The following PTPRF variants were observed in gnomAD, a reference collection of about 807,000 sequenced individuals.
PTPRF encodes the protein receptor-type tyrosine-protein phosphatase F.
PTPRF carries 59 observed loss-of-function variants against 201.8 expected under a neutral mutation model. The ratio of observed to expected loss-of-function variants is 0.29; its 90% CI spans 0.24 to 0.36. PTPRF has a LOEUF of 0.36. Among genes scored for constraint, PTPRF ranks in the 10% least tolerant of loss-of-function variants. The pLI is 1.00. For missense variants in PTPRF, 2,132 were observed against 2,690.5 expected, an observed-to-expected ratio of 0.79 and a Z score of 4.59; for synonymous variants, 1,088 against 1,089.7, an observed-to-expected ratio of 1.00 and a Z score of 0.03.
At chr1:43,561,572 C>G (rs1645807855) in intron 5 of PTPRF, among the ~76,000 whole-genome samples, 1 of 152,130 alleles carries the variant, frequency 6.6e-6, no homozygotes, top group Non-Finnish European at 1.5e-5. Context: ...GAACCTGGAA[C>G]CCAAGCCAGC....
At chr1:43,563,122 G>A (rs2153981916) in intron 5 of PTPRF, among the ~76,000 whole-genome samples, 1 of 150,776 alleles carries the variant, frequency 6.6e-6, no homozygotes, top group African/African-American at 2.4e-5. Flanking sequence ...AGGTTGCAGT[G>A]ATATGAGATG....
chr1:43,553,656 G>A lies in PTPRF; in HGVS notation c.237+19G>A, dbSNP rs200230309. 3.1e-6 allele frequency: 5 copies of A among 1,613,706 alleles called. No individual in the cohort carries two copies. The East Asian group carries it at 1.1e-4, about 36-fold the overall frequency. On this transcript the variant is annotated intron_variant, in intron 4 of 33. Transcript: ENST00000359947. The surrounding 1 kb of genome is among the most constrained non-coding windows in gnomAD (Gnocchi z 4.1). Reference sequence around the variant, plus strand: ...CTTCGAGGTGCGTCTGTGGTGGGAAGGGGTCGGCAGGGCTCAGGGTCTGCC... The same window carrying A: ...CTTCGAGGTGCGTCTGTGGTGGGAAAGGGTCGGCAGGGCTCAGGGTCTGCC...
At chr1:43,531,114 C>T in intron 1 of PTPRF, 24 bp downstream of exon 1, 1 of 148,832 alleles carries the variant, frequency 6.7e-6, no homozygotes, top group Non-Finnish European at 1.5e-5. Context: ...CGGCCCCCCA[C>T]CAGCCCCCTC....
At position 43,603,287 on chromosome 1, in the gene PTPRF, CCCA is replaced by C; in HGVS notation, c.2341-126_2341-124del. ...CCAGCAGAGGCCACCATTGTATAGC[CCCA>C]CCTTCCACAACCCCTGGCCTTGTGT... On this transcript the variant is annotated intron_variant, in intron 14 of 33. Transcript: ENST00000359947. The surrounding 1 kb of genome is among the most constrained non-coding windows in gnomAD (Gnocchi z 5.8). 1 of 798,700 alleles carries C rather than the reference CCCA, an allele frequency of 1.3e-6. No individual in the cohort carries two copies. Among genetic ancestry groups the C allele is most frequent in the Non-Finnish European group, 2.1e-6 (1 of 475,122 alleles). The allele number at this position is 798,700 out of a possible 1,614,324, so 49.5% of individuals were successfully genotyped here.
At chr1:43,526,023 A>T (rs1041128850), upstream of PTPRF, among the ~76,000 whole-genome samples, 1 of 151,772 alleles carries the variant, frequency 6.6e-6, no homozygotes, top group Non-Finnish European at 1.5e-5. Flanking sequence ...GATGGGAAAG[A>T]CATGCGCATG....
chr1:43,578,735 G>A (rs1244052603), intron 6 of PTPRF, 75 bp from the exon 7 acceptor site: 4 of 1,109,332 alleles, frequency 3.6e-6, no homozygotes, highest in African/African-American at 3.1e-5. Flanking sequence ...CACAGATGCT[G>A]TCGAGACCTC....
At chr1:43,597,147 CTATG>C (rs950027723) in intron 11 of PTPRF, among the ~76,000 whole-genome samples, 8 of 143,358 alleles carry the variant, frequency 5.6e-5, no homozygotes, top group African/African-American at 1.8e-4. Flanking sequence ...GTATATGACA[CTATG>C]TATACGTGAG....
chr1:43,568,975 G>A (rs961843704), intron 5 of PTPRF, among the ~76,000 whole-genome samples: 2 of 152,238 alleles, frequency 1.3e-5, no homozygotes, highest in African/African-American at 4.8e-5. Context: ...AAAGCTCAAG[G>A]TCAAGGCTGC....
At chr1:43,595,089 T>C (rs767566524) in intron 11 of PTPRF, among the ~76,000 whole-genome samples, 57 of 152,272 alleles carry the variant, frequency 3.7e-4, no homozygotes, top group Non-Finnish European at 7.1e-4. Context: ...CCTGTGTGGG[T>C]GCTGAGAATG....
intron 3 of PTPRF, among the ~76,000 whole-genome samples, chr1:43,547,580 CACAG>C (rs1455309931): frequency 6.6e-6 from 1 of 152,250 alleles, no homozygotes; most frequent in African/African-American, 2.4e-5. Flanking sequence ...AGTGGCCATA[CACAG>C]ACAGGGCCAC....
intron 16 of PTPRF, 130 bp downstream of exon 16, chr1:43,604,319 A>G (rs368919206): frequency 2.2e-6 from 2 of 917,964 alleles, no homozygotes; most frequent in East Asian, 5.3e-5. Flanking sequence ...ATCTCTCATG[A>G]CTGTGACCAC....
At chr1:43,526,533 G>A (rs1163332242), upstream of PTPRF, among the ~76,000 whole-genome samples, 2 of 152,038 alleles carry the variant, frequency 1.3e-5, no homozygotes, top group African/African-American at 4.8e-5. Context: ...AAAGTAAATA[G>A]GCCGTTTTGT....
chr1:43,614,784 G>A (rs1427921166), intron 23 of PTPRF, among the ~76,000 whole-genome samples: 3 of 152,126 alleles, frequency 2.0e-5, no homozygotes, highest in African/African-American at 7.2e-5. Flanking sequence ...CCCGGGAGGC[G>A]GAGGTTGCGT....
In PTPRF at chr1:43,597,735, T is replaced by TG; in HGVS notation, c.1814-13_1814-12insG. On this transcript the variant is annotated splice_polypyrimidine_tract_variant and intron_variant, in intron 11 of 33. Transcript: ENST00000359947. ...CTCCATCTGCTTGCTTCCCCCCCAT[T>TG]TGTCTTCCCCAGCCCCCTCCGCCCC... 1.4e-6 allele frequency: 2 copies of TG among 1,435,140 alleles called. No individual in the cohort carries two copies. The highest frequency in any genetic ancestry group is 1.9e-6 in the Non-Finnish European group (2 of 1,042,250). The allele number at this position is 1,435,140 out of a possible 1,614,324, so 88.9% of individuals were successfully genotyped here. A position where few individuals can be genotyped will look rare whatever the true frequency, so the allele number is the denominator to read the frequency against.
chr1:43,557,474 AAAATACAAAATTAACTGGGCGTG>A (rs1163263681), intron 5 of PTPRF, among the ~76,000 whole-genome samples: 3 of 152,110 alleles, frequency 2.0e-5, no homozygotes, highest in Non-Finnish European at 4.4e-5. Context: ...TCTCTACCAA[AAAATACAAAATTAACTGGGCGTG>A]GTGGCGCACG....
chr1:43,544,904 G>A (rs1644566997), intron 2 of PTPRF, 127 bp from the exon 3 acceptor site: 1 of 610,618 alleles, frequency 1.6e-6, no homozygotes, highest in East Asian at 2.9e-5. Context: ...AGCCCAAGTG[G>A]GGGGCTCTGT....
chr1:43,565,712 G>A (rs1294209696), intron 5 of PTPRF, among the ~76,000 whole-genome samples: 3 of 148,094 alleles, frequency 2.0e-5, no homozygotes, highest in East Asian at 3.9e-4. Flanking sequence ...GGGGAGGGCC[G>A]CGTCGGTGAA....
chr1:43,582,596 C>T (rs1299023920), intron 7 of PTPRF: 3 of 152,366 alleles, frequency 2.0e-5, no homozygotes, highest in Non-Finnish European at 4.4e-5. Flanking sequence ...CTGTCTAAAA[C>T]AGGGACAGTG....
intron 3 of PTPRF, among the ~76,000 whole-genome samples, chr1:43,548,643 G>C (rs1644831848): frequency 6.6e-6 from 1 of 152,118 alleles, no homozygotes; most frequent in Non-Finnish European, 1.5e-5. Flanking sequence ...CCTTATCTGA[G>C]GCCATGACCT....
Sources: gnomAD v4.1 joint callset for allele counts (sites outside exome capture counted in the v4.1 genomes callset) on GRCh38, gnomAD v4.1.1 for gene constraint, Gnocchi (gnomAD v3.1) non-coding constraint, MANE v1.5 for transcripts, NCBI Gene and HGNC (gene_info 2026-07-23, HGNC 2026-07-21) for gene names.